The following HNRNPR variants were observed in gnomAD, a reference collection of about 807,000 sequenced individuals.
HNRNPR encodes the protein heterogeneous nuclear ribonucleoprotein R.
HNRNPR carries 4 observed loss-of-function variants against 70.3 expected under a neutral mutation model. The observed-to-expected ratio is 0.06, with a 90% CI of 0.03 to 0.13. The LOEUF is 0.13. Ranked by LOEUF, HNRNPR falls within the 10% of genes least tolerant of loss-of-function variation. HNRNPR has a pLI of 1.00. For missense variants in HNRNPR, 423 were observed against 788.5 expected, an observed-to-expected ratio of 0.54 and a Z score of 5.55; for synonymous variants, 241 against 267.6, an observed-to-expected ratio of 0.90 and a Z score of 0.97.
At position 23,310,849 on chromosome 1, in the gene HNRNPR, C is replaced by G; in HGVS notation, c.1507G>C (p.Gly503Arg). Residue 503 changes from glycine (G) to arginine (R), a missense_variant, in exon 11 of 11, where the codon GGA becomes CGA. Transcript: ENST00000302271. The surrounding 1 kb of genome is among the most constrained non-coding windows in gnomAD (Gnocchi z 6.0). Reference sequence around the variant, plus strand: ...GCACCTCGCCCTCCCCTTCCTCCTCCTCTTCCTCTTACTGCATAGCCATCA... The same window carrying G: ...GCACCTCGCCCTCCCCTTCCTCCTCGTCTTCCTCTTACTGCATAGCCATCA... ...YDDGYAVRGR[G>R]GGRGGRGAPP... The G allele has an allele frequency of 1.9e-6, 3 of 1,614,170 alleles. No individual in the cohort carries two copies. The highest frequency in any genetic ancestry group is 2.5e-6 in the Non-Finnish European group (3 of 1,180,040).
At chr1:23,317,429 G>A (rs902041887) in intron 8 of HNRNPR, among the ~76,000 whole-genome samples, 2 of 151,860 alleles carry the variant, frequency 1.3e-5, no homozygotes, top group African/African-American at 4.8e-5. Flanking sequence ...CTGCACTCCA[G>A]CCTGGGACAA....
Position 23,323,684 on chromosome 1 carries a change from G to A in HNRNPR, c.547C>T (p.Pro183Ser), listed in dbSNP as rs1278910160. The change falls in exon 6 of 11, where the codon CCC becomes TCC. Residue 183 changes from proline to serine, a missense_variant. Pro to Ser is a moderately conservative substitution (Grantham distance 74). Transcript: ENST00000302271. ...PRDLYEDELVPLFEKAGPIWD... is the reference protein window; with the variant it reads ...PRDLYEDELVSLFEKAGPIWD... ...ATGGGTCCGGCCTTCTCAAAAAGGG[G>A]CACCAACTCATCCTCATATAAATCC... 6.2e-7 allele frequency: 1 copy of A among 1,613,912 alleles called. No homozygotes were observed. Among genetic ancestry groups the A allele is most frequent in the Admixed American group, 1.7e-5 (1 of 59,984 alleles).
In HNRNPR at chr1:23,308,932, T is replaced by C. The variant is rs1645246887; in HGVS notation, c.*1522A>G. On this transcript the variant is annotated 3_prime_UTR_variant, in exon 11 of 11. Coordinates refer to ENST00000302271, the MANE Select transcript of HNRNPR (RefSeq NM_005826.5). ...TGATATTTTTATCATTATAAAAACA[T>C]TTGAGAACCACGTAAGAATAAGATG... 2.0e-5 allele frequency: 3 copies of C among 152,102 alleles called. No homozygotes were observed. Among genetic ancestry groups the C allele is most frequent in the African/African-American group, 7.2e-5 (3 of 41,440 alleles). The allele number at this position is 152,102 out of a possible 1,614,324, so 9.4% of individuals were successfully genotyped here.
chr1:23,321,424 C>G, intron 7 of HNRNPR, 104 bp downstream of exon 7: 1 of 954,112 alleles, frequency 1.0e-6, no homozygotes, highest in South Asian at 1.9e-5. Context: ...TACTTCAGAC[C>G]TGAATTCTTA....
chr1:23,323,458 C>CT, intron 6 of HNRNPR, 98 bp downstream of exon 6: 2 of 1,137,856 alleles, frequency 1.8e-6, no homozygotes, highest in Non-Finnish European at 2.5e-6. Context: ...CAAGCAACAA[C>CT]TGAAGAAATC....
Position 23,308,206 on chromosome 1 carries a change from G to A in HNRNPR, c.*2248C>T, listed in dbSNP as rs1448439832. On this transcript the variant is annotated 3_prime_UTR_variant, in exon 11 of 11. Transcript: ENST00000302271. ...TAGTGAAAAGGACAGAGGAGGAGGT[G>A]GCCACTTTAAAATTCAAAATATAAT... 2.0e-5 allele frequency: 3 copies of A among 151,926 alleles called. No individual in the cohort carries two copies. Among genetic ancestry groups the A allele is most frequent in the Non-Finnish European group, 4.4e-5 (3 of 67,878 alleles). The allele number at this position is 151,926 out of a possible 1,614,324, so 9.4% of individuals were successfully genotyped here.
intron 1 of HNRNPR, among the ~76,000 whole-genome samples, chr1:23,341,992 G>A (rs1646721022): frequency 6.6e-6 from 1 of 152,218 alleles, no homozygotes; most frequent in Non-Finnish European, 1.5e-5. Flanking sequence ...GGGAATTAAA[G>A]TGCATTTGTC....
chr1:23,334,234 C>CTT lies in HNRNPR; in HGVS notation c.385-605_385-604dup, dbSNP rs35129252. 5.4e-3 allele frequency among the ~76,000 whole-genome samples: 572 copies of CTT among 105,164 alleles called. 9 individuals are homozygous for CTT. Among genetic ancestry groups the CTT allele is most frequent in the Non-Finnish European group, 7.6e-3 (421 of 55,096 alleles). 69.0% of individuals were successfully genotyped at this position (105,164 alleles called of 152,430 possible). On this transcript the variant is annotated intron_variant, in intron 4 of 10. Coordinates refer to ENST00000302271, the MANE Select transcript of HNRNPR (RefSeq NM_005826.5). ...CAGCCCCCACTGTCTTTCTAGTGTACTTTTTTTTTTTTTTTTTTTTGAGAC... is the reference window on the plus strand; with the variant it reads ...CAGCCCCCACTGTCTTTCTAGTGTACTTTTTTTTTTTTTTTTTTTTTTGAGAC...
In HNRNPR at chr1:23,318,652, T is replaced by C; in HGVS notation, c.848A>G (p.Asp283Gly). 2 of 1,614,204 alleles carry C rather than the reference T, an allele frequency of 1.2e-6. No homozygotes were observed. The highest frequency in any genetic ancestry group is 1.7e-6 in the Non-Finnish European group (2 of 1,180,040). The change falls in exon 8 of 11, where the codon GAT becomes GGT. Residue 283 changes from aspartate (D) to glycine (G), a missense_variant. By Grantham distance (94) the Asp-to-Gly change is moderately conservative (BLOSUM62 -1). This residue lies in a region of HNRNPR where 118 missense variants were observed against 239.3 expected (regional missense o/e 0.49). Transcript: ENST00000302271. This position sits in a 1 kb window ranked among gnomAD's most constrained non-coding sequence, Gnocchi z 4.2. Reference protein sequence around the residue: ...LVDVILYHQPDDKKKNRGFCF... With the variant: ...LVDVILYHQPGDKKKNRGFCF... ...GAACCCCCGATTCTTCTTTTTGTCATCGGGTTGATGATAGAGAATAACGTC... is the reference window on the plus strand; with the variant it reads ...GAACCCCCGATTCTTCTTTTTGTCACCGGGTTGATGATAGAGAATAACGTC...
intron 4 of HNRNPR, among the ~76,000 whole-genome samples, chr1:23,334,234 CT>C (rs35129252): frequency 0.051 from 5,381 of 105,108 alleles, 207 homozygotes; most frequent in African/African-American, 0.16. Flanking sequence ...TTCTAGTGTA[CT>C]TTTTTTTTTT....
intron 5 of HNRNPR, among the ~76,000 whole-genome samples, chr1:23,324,863 G>A (rs899655338): frequency 3.3e-5 from 5 of 152,052 alleles, no homozygotes; most frequent in Admixed American, 1.3e-4. Flanking sequence ...TATGTTGGCC[G>A]GGCGCGGTGG....
chr1:23,309,654 T>C lies in HNRNPR; in HGVS notation c.*800A>G, dbSNP rs567135937. The stretch of plus-strand genomic sequence containing the variant: ...TCCTCAGTCTAATATCCACAACACA[T>C]GTTGGAATAAACAAGAAATTTTGCA... On this transcript the variant is annotated 3_prime_UTR_variant, in exon 11 of 11. Coordinates refer to ENST00000302271, the MANE Select transcript of HNRNPR (RefSeq NM_005826.5). 1 of 152,636 alleles carries C rather than the reference T, an allele frequency of 6.6e-6. No individual in the cohort carries two copies. Among genetic ancestry groups the C allele is most frequent in the Non-Finnish European group, 1.5e-5 (1 of 67,994 alleles). 9.5% of individuals were successfully genotyped at this position (152,636 alleles called of 1,614,324 possible).
intron 5 of HNRNPR, among the ~76,000 whole-genome samples, chr1:23,326,350 G>C (rs145489226): frequency 4.6e-5 from 7 of 152,250 alleles, no homozygotes; most frequent in South Asian, 2.1e-4. Flanking sequence ...TGATGTCCCT[G>C]CAGAACAATC....
chr1:23,322,981 G>C (rs1645817838), intron 6 of HNRNPR, among the ~76,000 whole-genome samples: 1 of 152,142 alleles, frequency 6.6e-6, no homozygotes, highest in Non-Finnish European at 1.5e-5. Flanking sequence ...ATTAATATGA[G>C]ACTGGCTATA....
In HNRNPR at chr1:23,310,230, A is replaced by T. The variant is rs1233324686; in HGVS notation, c.*224T>A. 4 of 407,300 alleles carry T rather than the reference A, an allele frequency of 9.8e-6. No homozygotes were observed. Among genetic ancestry groups the T allele is most frequent in the African/African-American group, 2.1e-5 (1 of 48,158 alleles). The allele number at this position is 407,300 out of a possible 1,614,324, so 25.2% of individuals were successfully genotyped here. On this transcript the variant is annotated 3_prime_UTR_variant, in exon 11 of 11. Coordinates refer to ENST00000302271, the MANE Select transcript of HNRNPR (RefSeq NM_005826.5). The surrounding 1 kb of genome is among the most constrained non-coding windows in gnomAD (Gnocchi z 6.0). ...AAACGATAAAAGCATTGTAATCCCCAGAATAAGGGAACTCTGCAAGCCCAA... is the reference window on the plus strand; with the variant it reads ...AAACGATAAAAGCATTGTAATCCCCTGAATAAGGGAACTCTGCAAGCCCAA...
rs1240338555 is a variant in HNRNPR at position 23,318,261 on chromosome 1, A to C, written c.1017+222T>G. Among the ~76,000 whole-genome samples the C allele has an allele frequency of 6.6e-6, 1 of 152,050 alleles. No individual in the cohort carries two copies. The highest frequency in any genetic ancestry group is 1.5e-5 in the Non-Finnish European group (1 of 68,006). On this transcript the variant is annotated intron_variant, in intron 8 of 10. Coordinates refer to ENST00000302271, the MANE Select transcript of HNRNPR (RefSeq NM_005826.5). The surrounding 1 kb of genome is among the most constrained non-coding windows in gnomAD (Gnocchi z 4.2). ...TACTTAATTGAAGGAATTTCATTTC[A>C]GTTCCTTTTGCACATTTAATCTGCA...
chr1:23,322,604 A>G (rs1030980816), intron 6 of HNRNPR, among the ~76,000 whole-genome samples: 1 of 152,246 alleles, frequency 6.6e-6, no homozygotes, highest in African/African-American at 2.4e-5. Context: ...TATTAAAAAT[A>G]AAATCATCCA....
At chr1:23,317,185 G>A (rs560048288) in intron 8 of HNRNPR, among the ~76,000 whole-genome samples, 1 of 152,236 alleles carries the variant, frequency 6.6e-6, no homozygotes, top group East Asian at 1.9e-4. Flanking sequence ...GAGGCCGGGC[G>A]CAGTGGCTCA....
intron 8 of HNRNPR, among the ~76,000 whole-genome samples, chr1:23,315,401 G>C (rs578146783): frequency 1.1e-4 from 17 of 152,090 alleles, no homozygotes; most frequent in African/African-American, 3.9e-4. Flanking sequence ...AGTTTAGTTG[G>C]CAGTGTTTTT....
Sources: allele counts gnomAD v4.1 joint callset (sites outside exome capture counted in the v4.1 genomes callset), GRCh38; gene constraint gnomAD v4.1.1; regional missense constraint gnomAD v4.1.1; non-coding constraint Gnocchi (gnomAD v3.1); transcripts MANE v1.5; gene names NCBI Gene and HGNC (gene_info 2026-07-23, HGNC 2026-07-21).